CACNA2D3: variants seen among roughly 807,000 people sequenced by gnomAD.
The protein encoded by CACNA2D3 is calcium voltage-gated channel auxiliary subunit alpha2delta 3.
CACNA2D3 carries 60 observed loss-of-function variants against 160.6 expected under a neutral mutation model. That is an observed-to-expected ratio of 0.37 (90% CI 0.30 to 0.46). The LOEUF (loss-of-function observed/expected upper bound fraction) is 0.46. CACNA2D3 is among the 20% of genes least tolerant of loss of function. CACNA2D3 has a pLI of 1.00. For missense variants in CACNA2D3, 1,205 were observed against 1,365.0 expected (o/e 0.88, Z 1.85); for synonymous variants, 558 against 492.9 (o/e 1.13, Z -1.75).
At chr3:54,258,986 C>T (rs764678948) in intron 2 of CACNA2D3, among the ~76,000 whole-genome samples, 1 of 152,204 alleles carries the variant, frequency 6.6e-6, no homozygotes, top group Non-Finnish European at 1.5e-5. Context: ...TTAACCTGAT[C>T]ACCATAATTT....
intron 17 of CACNA2D3, among the ~76,000 whole-genome samples, chr3:54,859,957 A>G (rs1699250652): frequency 7.1e-6 from 1 of 141,654 alleles, no homozygotes; most frequent in African/African-American, 2.8e-5. Flanking sequence ...TTAGAACATC[A>G]TCTGGAAAGT....
At chr3:54,163,277 G>A (rs1021191860) in intron 2 of CACNA2D3, among the ~76,000 whole-genome samples, 7 of 152,224 alleles carry the variant, frequency 4.6e-5, no homozygotes, top group African/African-American at 1.2e-4. Flanking sequence ...GGTAAGTACT[G>A]TGAAGGAAAA....
intron 4 of CACNA2D3, among the ~76,000 whole-genome samples, chr3:54,447,409 A>G (rs1291133622): frequency 3.9e-5 from 6 of 152,224 alleles, no homozygotes; most frequent in East Asian, 1.9e-4. Context: ...AAGAACCTCA[A>G]ATGTCTGTGA....
At chr3:55,012,679 A>G (rs1170851794) in intron 34 of CACNA2D3, among the ~76,000 whole-genome samples, 1 of 152,030 alleles carries the variant, frequency 6.6e-6, no homozygotes, top group Non-Finnish European at 1.5e-5. Flanking sequence ...GAGGGTTCTT[A>G]TTAGAATCTG....
intron 4 of CACNA2D3, among the ~76,000 whole-genome samples, chr3:54,411,396 T>C (rs1699665578): frequency 6.6e-6 from 1 of 152,182 alleles, no homozygotes; most frequent in Non-Finnish European, 1.5e-5. Context: ...TATTGTCTTA[T>C]TTTAAGAAAT....
At chr3:54,556,147 T>C (rs1702239084) in intron 5 of CACNA2D3, among the ~76,000 whole-genome samples, 1 of 152,186 alleles carries the variant, frequency 6.6e-6, no homozygotes, top group South Asian at 2.1e-4. Flanking sequence ...CAAAAAAGTA[T>C]GTTCACGTTC....
At chr3:54,582,176 C>G (rs565904983) in intron 9 of CACNA2D3, among the ~76,000 whole-genome samples, 3 of 152,306 alleles carry the variant, frequency 2.0e-5, no homozygotes, top group African/African-American at 7.2e-5. Flanking sequence ...AAGAATATGG[C>G]TCTTGCTAAG....
intron 2 of CACNA2D3, among the ~76,000 whole-genome samples, chr3:54,264,379 C>G (rs947462361): frequency 2.0e-5 from 3 of 152,160 alleles, no homozygotes; most frequent in African/African-American, 7.2e-5. Context: ...CTTTGAAAAT[C>G]AGGAGACTGG....
chr3:54,321,276 C>A (rs1278199676), intron 3 of CACNA2D3, among the ~76,000 whole-genome samples: 1 of 151,508 alleles, frequency 6.6e-6, no homozygotes, highest in African/African-American at 2.4e-5. Flanking sequence ...GCCAAGATCG[C>A]GCCACTGCAC....
intron 13 of CACNA2D3, among the ~76,000 whole-genome samples, chr3:54,796,270 G>A (rs1702864317): frequency 6.6e-6 from 1 of 152,168 alleles, no homozygotes; most frequent in Non-Finnish European, 1.5e-5. Flanking sequence ...CAGTCTCAGT[G>A]TCCTCATTTG....
intron 2 of CACNA2D3, among the ~76,000 whole-genome samples, chr3:54,276,305 C>T (rs1362544360): frequency 1.3e-5 from 2 of 152,138 alleles, no homozygotes; most frequent in African/African-American, 4.8e-5. Flanking sequence ...CGCAGTGGCT[C>T]ACGCCTGTAC....
chr3:54,299,225 C>A (rs542731324), intron 2 of CACNA2D3, among the ~76,000 whole-genome samples: 25 of 131,872 alleles, frequency 1.9e-4, no homozygotes, highest in Middle Eastern at 8.8e-3. Flanking sequence ...AAAAAAAAAA[C>A]CAGTGCTTTA....
rs77731698 is a variant in CACNA2D3 at position 54,247,670 on chromosome 3, A to G, written c.205-72772A>G. On this transcript the variant is annotated intron_variant, in intron 2 of 37. Transcript: ENST00000474759. ...TTGAAGATAGGCAGAGGAGAGCTTG[A>G]CATATGACTACTAGGCACCCCTGAA... Among the ~76,000 whole-genome samples the G allele has an allele frequency of 1.7e-3, 264 of 152,338 alleles. 2 individuals carry two copies. The highest frequency in any genetic ancestry group is 6.0e-3 in the African/African-American group (251 of 41,584).
chr3:54,907,924 A>G (rs945682871), intron 27 of CACNA2D3, among the ~76,000 whole-genome samples: 1 of 152,192 alleles, frequency 6.6e-6, no homozygotes, highest in East Asian at 1.9e-4. Context: ...AAATTGCCAT[A>G]TAATATTCCC....
At chr3:54,454,992 T>C (rs1255123752) in intron 4 of CACNA2D3, among the ~76,000 whole-genome samples, 2 of 152,208 alleles carry the variant, frequency 1.3e-5, no homozygotes, top group Non-Finnish European at 2.9e-5. Flanking sequence ...TGTTCATTCA[T>C]CTGTTGATGA....
At chr3:54,531,346 G>A (rs1701802993) in intron 5 of CACNA2D3, among the ~76,000 whole-genome samples, 1 of 152,280 alleles carries the variant, frequency 6.6e-6, no homozygotes, top group Admixed American at 6.5e-5. Flanking sequence ...GGAGGAAGTT[G>A]ATAGGGAAGT....
At chr3:54,330,136 T>G (rs554268787) in intron 3 of CACNA2D3, among the ~76,000 whole-genome samples, 1 of 152,258 alleles carries the variant, frequency 6.6e-6, no homozygotes, top group Admixed American at 6.5e-5. Context: ...GCAGCCTGAA[T>G]AGATGAACAT....
rs769926193 is a variant in CACNA2D3 at position 54,752,700 on chromosome 3, G to A, written c.1246+23G>A. On this transcript the variant is annotated intron_variant, in intron 12 of 37. Transcript: ENST00000474759. ...AAGGTGGGTCTTCGCATTGTGCTCGGCTCTGAATAACTTCCACCTACTTGT... is the reference window on the plus strand; with the variant it reads ...AAGGTGGGTCTTCGCATTGTGCTCGACTCTGAATAACTTCCACCTACTTGT... The A allele has an allele frequency of 1.5e-5, 24 of 1,564,768 alleles. No homozygotes were observed. The African/African-American group carries it at 3.2e-4, about 21-fold the overall frequency.
intron 9 of CACNA2D3, among the ~76,000 whole-genome samples, chr3:54,585,136 T>G (rs561510260): frequency 6.6e-6 from 1 of 152,318 alleles, no homozygotes; most frequent in Admixed American, 6.5e-5. Context: ...TCTCAGACAA[T>G]TCTTAAATTA....
Sources: allele counts gnomAD v4.1 joint callset (sites outside exome capture counted in the v4.1 genomes callset), GRCh38; gene constraint gnomAD v4.1.1; transcripts MANE v1.5; gene names NCBI Gene and HGNC (gene_info 2026-07-23, HGNC 2026-07-21).